The following CFAP263 variants were observed in gnomAD, a reference collection of about 807,000 sequenced individuals.
CFAP263 encodes cilia and flagella associated protein 263.
chr16:58,252,362 A>ATG, the CFAP263 span, among the ~76,000 whole-genome samples: 2 of 151,226 alleles, frequency 1.3e-5, no homozygotes, highest in African/African-American at 4.9e-5. Flanking sequence ...AAATATATAT[A>ATG]TGTATATATA....
chr16:58,279,343 G>T, the CFAP263 span, among the ~76,000 whole-genome samples: 1 of 152,118 alleles, frequency 6.6e-6, no homozygotes, highest in Non-Finnish European at 1.5e-5. Flanking sequence ...ACTTTGTCCT[G>T]CCTCTCCTGC....
chr16:58,266,796 G>A, the CFAP263 span, among the ~76,000 whole-genome samples: 9 of 152,272 alleles, frequency 5.9e-5, no homozygotes, highest in Non-Finnish European at 1.0e-4. Flanking sequence ...AGAAGCCAGT[G>A]AAGGGCAGAT....
At chr16:58,258,637 A>T in the CFAP263 span, 5 of 936,756 alleles carry the variant, frequency 5.3e-6, no homozygotes, top group Non-Finnish European at 8.1e-6. Flanking sequence ...TGTTGCCCAC[A>T]TATGCGGATT....
the CFAP263 span, chr16:58,279,561 G>T: frequency 1.4e-6 from 1 of 705,044 alleles, no homozygotes. Flanking sequence ...GCCCCACACA[G>T]GGTTGCCTGC....
chr16:58,260,044 C>A, the CFAP263 span: 1 of 647,120 alleles, frequency 1.5e-6, no homozygotes, highest in Non-Finnish European at 2.7e-6. Flanking sequence ...ACCCTGGAAT[C>A]TGTGAATACA....
At chr16:58,262,097 C>T in the CFAP263 span, among the ~76,000 whole-genome samples, 3 of 152,066 alleles carry the variant, frequency 2.0e-5, no homozygotes, top group African/African-American at 7.2e-5. Flanking sequence ...CCCACTCCCC[C>T]ACATGCCCCC....
At chr16:58,262,755 G>C in the CFAP263 span, among the ~76,000 whole-genome samples, 1 of 140,056 alleles carries the variant, frequency 7.1e-6, no homozygotes, top group Non-Finnish European at 1.5e-5. Flanking sequence ...CATATAGATA[G>C]ATGATAGGTA....
the CFAP263 span, chr16:58,258,456 A>T: frequency 1.2e-6 from 2 of 1,614,092 alleles, no homozygotes; most frequent in Non-Finnish European, 1.7e-6. Context: ...GCCATATCCA[A>T]GAAGAAAGGG....
chr16:58,271,795 T>C, the CFAP263 span, among the ~76,000 whole-genome samples: 3 of 152,184 alleles, frequency 2.0e-5, no homozygotes, highest in Admixed American at 6.5e-5. Flanking sequence ...CTTGATCACC[T>C]AGATGGATAG....
chr16:58,283,054 C>G, the CFAP263 span: 1 of 152,220 alleles, frequency 6.6e-6, no homozygotes, highest in Non-Finnish European at 1.5e-5. Context: ...CCCAAGGGAG[C>G]GGCCACAGCC....
chr16:58,255,412 A>G, the CFAP263 span, among the ~76,000 whole-genome samples: 1 of 152,024 alleles, frequency 6.6e-6, no homozygotes, highest in African/African-American at 2.4e-5. Context: ...CAGTCCACTG[A>G]CTCAAATATC....
the CFAP263 span, among the ~76,000 whole-genome samples, chr16:58,264,639 C>T: frequency 6.6e-6 from 1 of 152,048 alleles, no homozygotes; most frequent in South Asian, 2.1e-4. Flanking sequence ...GTGTTGCGTC[C>T]CCAGCATCAA....
the CFAP263 span, chr16:58,280,937 G>T: frequency 1.7e-6 from 1 of 590,198 alleles, no homozygotes. Context: ...CCAACAAGAT[G>T]ACTTTTCCTT....
chr16:58,263,225 G>A, the CFAP263 span, among the ~76,000 whole-genome samples: 1 of 152,278 alleles, frequency 6.6e-6, no homozygotes, highest in African/African-American at 2.4e-5. Context: ...TGCCCTGTGA[G>A]CTAAGAATGA....
the CFAP263 span, among the ~76,000 whole-genome samples, chr16:58,264,625 G>A: frequency 1.3e-5 from 2 of 152,154 alleles, no homozygotes; most frequent in Admixed American, 1.3e-4. Flanking sequence ...GCTCTGTCTA[G>A]TAAGTGTTGC....
At chr16:58,278,799 G>GTTT in the CFAP263 span, among the ~76,000 whole-genome samples, 322 of 151,936 alleles carry the variant, frequency 2.1e-3, 1 homozygote, top group African/African-American at 7.5e-3. Context: ...AGGATGATTT[G>GTTT]TTTTTTTTGA....
At chr16:58,278,813 T>C in the CFAP263 span, among the ~76,000 whole-genome samples, 2 of 151,902 alleles carry the variant, frequency 1.3e-5, no homozygotes, top group East Asian at 3.9e-4. Context: ...TTTTTGAAAG[T>C]TCCCCCTTTT....
At chr16:58,267,605 T>C in the CFAP263 span, 1 of 1,457,034 alleles carries the variant, frequency 6.9e-7, no homozygotes, top group Non-Finnish European at 9.6e-7. Context: ...GAGCAAAATG[T>C]GGTATTTCTG....
chr16:58,264,833 G>A, the CFAP263 span, among the ~76,000 whole-genome samples: 5 of 152,236 alleles, frequency 3.3e-5, no homozygotes, highest in Admixed American at 3.3e-4. Flanking sequence ...ACACTGAAGT[G>A]TGAAACCTTG....
Sources: gnomAD v4.1 joint callset for allele counts (sites outside exome capture counted in the v4.1 genomes callset) on GRCh38, gnomAD v4.1.1 for gene constraint, MANE v1.5 for transcripts, NCBI Gene and HGNC (gene_info 2026-07-23, HGNC 2026-07-21) for gene names.